Variants in OR52H1 observed in about 807,000 individuals in gnomAD.
OR52H1 encodes the protein olfactory receptor 52H1.
For synonymous variants in OR52H1, 148 were observed against 138.6 expected (o/e 1.07, Z -0.48); for missense variants, 383 against 396.4 (o/e 0.97, Z 0.29).
intron 1 of OR52H1, among the ~76,000 whole-genome samples, chr11:5,547,721 C>T (rs182572654): frequency 1.3e-5 from 2 of 152,020 alleles, no homozygotes; most frequent in Admixed American, 6.6e-5. Flanking sequence ...TCTTGGCTCA[C>T]TGCAACCTCC....
intron 1 of OR52H1, among the ~76,000 whole-genome samples, chr11:5,546,598 T>G (rs868805136): frequency 7.2e-5 from 11 of 152,214 alleles, no homozygotes; most frequent in African/African-American, 2.7e-4. Context: ...GTCCTATACC[T>G]TCTTCCCCAG....
intron 1 of OR52H1, among the ~76,000 whole-genome samples, chr11:5,548,119 A>G (rs1283759035): frequency 6.6e-6 from 1 of 152,230 alleles, no homozygotes; most frequent in Non-Finnish European, 1.5e-5. Flanking sequence ...ACCCCTGGGC[A>G]TACACACATA....
intron 1 of OR52H1, among the ~76,000 whole-genome samples, chr11:5,545,966 GTC>G (rs1247594996): frequency 2.0e-5 from 3 of 151,984 alleles, no homozygotes; most frequent in Admixed American, 1.3e-4. Context: ...TGAATTATCT[GTC>G]TCTGCCCCCA....
At position 5,545,256 on chromosome 11, in the gene OR52H1, G is replaced by A; in HGVS notation, c.250C>T (p.Leu84Phe). The change falls in exon 2 of 2, where the codon CTC becomes TTC. Residue 84 changes from leucine (L) to phenylalanine (F), a missense_variant. By Grantham distance (22) the Leu-to-Phe change is conservative. Transcript: ENST00000322653. ...ILSTAGVPKA[L>F]SIFWLGAREI... ...CGAGCCCCTAGCCAAAAGATACTGAGTGCTTTAGGCACACCAGCTGTGGAC... is the reference window on the plus strand; with the variant it reads ...CGAGCCCCTAGCCAAAAGATACTGAATGCTTTAGGCACACCAGCTGTGGAC... 6.2e-7 allele frequency: 1 copy of A among 1,614,168 alleles called. No individual in the cohort carries two copies. The highest frequency in any genetic ancestry group is 2.2e-5 in the East Asian group (1 of 44,886).
intron 1 of OR52H1, 73 bp downstream of exon 1, chr11:5,548,379 T>C (rs1319457772): frequency 1.3e-5 from 2 of 152,128 alleles, no homozygotes; most frequent in Admixed American, 6.5e-5. Flanking sequence ...CCCTAAGAAA[T>C]AGAGCCCTGG....
intron 1 of OR52H1, among the ~76,000 whole-genome samples, chr11:5,547,294 C>A (rs978961901): frequency 6.6e-6 from 1 of 152,120 alleles, no homozygotes; most frequent in African/African-American, 2.4e-5. Flanking sequence ...TTAAACAAAC[C>A]AGGTATTGAA....
chr11:5,548,207 T>G (rs1846879378), intron 1 of OR52H1, among the ~76,000 whole-genome samples: 1 of 152,186 alleles, frequency 6.6e-6, no homozygotes, highest in South Asian at 2.1e-4. Flanking sequence ...TTCCTAACAC[T>G]GCTAACTGTG....
intron 1 of OR52H1, among the ~76,000 whole-genome samples, chr11:5,546,147 T>C (rs1352892680): frequency 4.1e-5 from 6 of 147,746 alleles, no homozygotes; most frequent in Non-Finnish European, 8.9e-5. Flanking sequence ...ACTAAAAAAT[T>C]CCCTTATAGC....
At chr11:5,547,858 G>C (rs2133764287) in intron 1 of OR52H1, among the ~76,000 whole-genome samples, 1 of 152,198 alleles carries the variant, frequency 6.6e-6, no homozygotes. Flanking sequence ...TGTTGGCCAG[G>C]CTGGTCTTGA....
rs556507558 is a variant in OR52H1, at chr11:5,545,145, C to T, written c.361G>A (p.Ala121Thr). The change falls in exon 2 of 2, where the codon GCA (alanine) becomes ACA (threonine). Residue 121 changes from alanine (A) to threonine (T), a missense_variant. Ala to Thr is a moderately conservative substitution (Grantham distance 58). Coordinates refer to ENST00000322653, the MANE Select transcript of OR52H1 (RefSeq NM_001005289.5). Reference sequence around the variant, plus strand: ...CAGATAGCTACATAGTGATCAAATGCCATGGCCATCAGAATGGCTGAATCC... The same window carrying T: ...CAGATAGCTACATAGTGATCAAATGTCATGGCCATCAGAATGGCTGAATCC... Reference protein sequence around the residue: ...VLDSAILMAMAFDHYVAICSP... With the variant: ...VLDSAILMAMTFDHYVAICSP... 1.2e-6 allele frequency: 2 copies of T among 1,614,058 alleles called. No homozygotes were observed. Among genetic ancestry groups the T allele is most frequent in the South Asian group, 2.2e-5 (2 of 91,076 alleles).
chr11:5,544,570 A>G lies in OR52H1; in HGVS notation c.936T>C (p.Gly312=). 4 of 1,589,548 alleles carry G rather than the reference A, an allele frequency of 2.5e-6. No homozygotes were observed. The highest frequency in any genetic ancestry group is 3.4e-6 in the Non-Finnish European group (4 of 1,168,458). ...TTATCCTAGTAAAACATCATCCTGT[A>G]CCCTTAGAAAACAAAAGTATAACCT... ...RDKVILLFSK[G]TG The change falls in exon 2 of 2, where the codon GGT becomes GGC. Residue 312 remains glycine, a synonymous_variant. Transcript: ENST00000322653.
At chr11:5,545,654 C>T (rs1590048949) in intron 1 of OR52H1, 119 bp from the exon 2 acceptor site, 8 of 1,008,992 alleles carry the variant, frequency 7.9e-6, no homozygotes, top group South Asian at 6.7e-5. Flanking sequence ...CAAAATAGAA[C>T]CTGTCTGAAA....
At chr11:5,547,653 AT>A (rs10675854) in intron 1 of OR52H1, among the ~76,000 whole-genome samples, 6 of 150,830 alleles carry the variant, frequency 4.0e-5, no homozygotes, top group South Asian at 2.1e-4. Context: ...TGAAAAAAGA[AT>A]TTTTTTTTTG....
chr11:5,545,581 C>CA (rs1846842544), intron 1 of OR52H1, 46 bp from the exon 2 acceptor site: 4 of 1,509,328 alleles, frequency 2.7e-6, no homozygotes, highest in Middle Eastern at 4.2e-4. Context: ...GAGTAACTCT[C>CA]AAACTTTCAA....
intron 1 of OR52H1, among the ~76,000 whole-genome samples, chr11:5,545,820 A>G (rs1012038268): frequency 1.3e-5 from 2 of 152,206 alleles, no homozygotes; most frequent in Non-Finnish European, 2.9e-5. Context: ...GAAGCCTTCC[A>G]GACTGGTTAC....
intron 1 of OR52H1, among the ~76,000 whole-genome samples, chr11:5,547,578 A>T (rs1307412175): frequency 1.3e-5 from 2 of 152,128 alleles, no homozygotes; most frequent in African/African-American, 4.8e-5. Flanking sequence ...TTGGGTTCCT[A>T]TGTTTTTAAA....
At chr11:5,547,936 C>T (rs1846874423) in intron 1 of OR52H1, among the ~76,000 whole-genome samples, 3 of 152,182 alleles carry the variant, frequency 2.0e-5, no homozygotes, top group Admixed American at 1.3e-4. Flanking sequence ...TGAGCCACCA[C>T]GCCCAGCCGA....
In OR52H1 at chr11:5,545,313, GAA is replaced by G; in HGVS notation, c.191_192del (p.Phe64SerfsTer8). On this transcript the variant is annotated frameshift_variant, in exon 2 of 2. Coordinates refer to ENST00000322653, the MANE Select transcript of OR52H1 (RefSeq NM_001005289.5). LOFTEE classifies it low-confidence loss of function (END_TRUNC). ...EHSLHEPMFFFLSMLAMTDLI... is the reference protein window; with the variant it reads ...EHSLHEPMFFXLSMLAMTDLI... ...AGGTCAGTCATGGCCAGCATGGAGA[GAA>G]AGAAGAACATGGGTTCATGAAGACT... 1 of 1,614,138 alleles carries G rather than the reference GAA, an allele frequency of 6.2e-7. No homozygotes were observed.
At chr11:5,547,977 T>C (rs753357151) in intron 1 of OR52H1, among the ~76,000 whole-genome samples, 23 of 152,210 alleles carry the variant, frequency 1.5e-4, no homozygotes, top group African/African-American at 2.7e-4. Flanking sequence ...ACCTGAAACA[T>C]AGTAAGCATG....
Sources: gnomAD v4.1 joint callset for allele counts (sites outside exome capture counted in the v4.1 genomes callset) on GRCh38, gnomAD v4.1.1 for gene constraint, MANE v1.5 for transcripts, NCBI Gene and HGNC (gene_info 2026-07-23, HGNC 2026-07-21) for gene names.